Variants in ALDH18A1 observed in about 807,000 individuals in gnomAD.
The protein encoded by ALDH18A1 is delta-1-pyrroline-5-carboxylate synthase.
Under a neutral mutation model 88.8 loss-of-function variants are expected in ALDH18A1, and 44 were observed. The observed-to-expected ratio is 0.50, with a 90% confidence interval of 0.39 to 0.64. ALDH18A1 has a LOEUF of 0.64. Among genes scored for constraint, ALDH18A1 ranks in the 30% least tolerant of loss-of-function variants. The pLI is 0.00. For synonymous variants in ALDH18A1, 331 were observed against 372.1 expected, an observed-to-expected ratio of 0.89 and a Z score of 1.27; for missense variants, 782 against 1,009.5, an observed-to-expected ratio of 0.77 and a Z score of 3.05.
At position 95,613,798 on chromosome 10, in the gene ALDH18A1, C is replaced by T. The variant is rs770815414; in HGVS notation, c.1867G>A (p.Asp623Asn). 141 of 1,613,976 alleles carry T rather than the reference C, an allele frequency of 8.7e-5. No homozygotes were observed. The highest frequency in any genetic ancestry group is 8.1e-4 in the South Asian group (74 of 91,080). Residue 623 changes from aspartate to asparagine, a missense_variant, in exon 15 of 18, where the codon GAT becomes AAT. Transcript: ENST00000371224. ...TCAAATAATGGTGTCCTGAGCAGAT[C>T]CCGGTGGATTAACAAAGTCTCCAAA... The part of the protein sequence containing the change: ...NALETLLIHR[D>N]LLRTPLFDQI...
rs1242600175 is a variant in ALDH18A1 at position 95,625,407 on chromosome 10, C to T, written c.1201G>A (p.Asp401Asn). The T allele has an allele frequency of 5.0e-6, 8 of 1,614,070 alleles. No individual in the cohort carries two copies. Among genetic ancestry groups the T allele is most frequent in the African/African-American group, 4.0e-5 (3 of 75,022 alleles). The change falls in exon 11 of 18, where the codon GAT (aspartate) becomes AAT (asparagine). Residue 401 changes from aspartate to asparagine, a missense_variant. Asp to Asn is a conservative substitution (Grantham distance 23). This residue lies in a region of ALDH18A1 where 556 missense variants were observed against 654.5 expected (regional missense o/e 0.85). Transcript: ENST00000371224. ...HLADLLTDQR[D>N]EILLANKKDL... is the part of the protein sequence containing the mutation. ...TTTTTGTTGGCTAACAGGATCTCAT[C>T]ACGCTGGTCCGTCAACAGATCAGCC...
rs530349201 is a variant in ALDH18A1 at position 95,626,330 on chromosome 10, A to G, written c.1152+373T>C. Among the ~76,000 whole-genome samples the G allele has an allele frequency of 9.2e-5, 14 of 152,258 alleles. No homozygotes were observed. The East Asian group carries it at 1.7e-3, about 19-fold the overall frequency. The stretch of plus-strand genomic sequence containing the variant: ...AGGTCAGGGCTACCAACTATGGAGC[A>G]GGCTCTCGAGCTTCCCATCTTCTAG... On this transcript the variant is annotated intron_variant, in intron 10 of 17. Transcript: ENST00000371224.
rs546231622 is a variant in ALDH18A1, at chr10:95,608,768, C to T, written c.2206+1429G>A. On this transcript the variant is annotated intron_variant, in intron 17 of 17. Coordinates refer to ENST00000371224, the MANE Select transcript of ALDH18A1 (RefSeq NM_002860.4). ...CTCCTGCTTCAGCCTCTCAAAGTGCCGGGATTACAGGTGTGAGCCACTGCC... is the reference window on the plus strand; with the variant it reads ...CTCCTGCTTCAGCCTCTCAAAGTGCTGGGATTACAGGTGTGAGCCACTGCC... Among the ~76,000 whole-genome samples, 6 of 152,272 alleles carry T rather than the reference C, an allele frequency of 3.9e-5. No individual in the cohort carries two copies. In the South Asian group the frequency reaches 1.0e-3, roughly 26 times the overall value.
intron 5 of ALDH18A1, among the ~76,000 whole-genome samples, chr10:95,634,854 T>C (rs1236515697): frequency 6.6e-6 from 1 of 152,196 alleles, no homozygotes; most frequent in African/African-American, 2.4e-5. Context: ...GCAATCTCTC[T>C]AATGTTTACG....
rs78731297 is a variant in ALDH18A1, at chr10:95,611,365, C to T, written c.2001G>A (p.Glu667=). The change falls in exon 16 of 18, where the codon GAG becomes GAA. Residue 667 remains glutamate, a synonymous_variant. Transcript: ENST00000371224. ...SPSEVKSLRT[E]YGDLELCIEV... ...CAATGCATAATTCCAGGTCCCCATA[C>T]TCAGTTCGGAGTGACTTCACTTCGG... is the stretch of plus-strand genomic sequence containing the variant. 5.7e-4 allele frequency: 920 copies of T among 1,614,204 alleles called. 5 individuals carry two copies. In the African/African-American group the frequency reaches 0.011, roughly 19 times the overall value.
intron 5 of ALDH18A1, 108 bp from the exon 6 acceptor site, chr10:95,633,757 C>T (rs1691430073): frequency 8.9e-7 from 1 of 1,122,214 alleles, no homozygotes; most frequent in Non-Finnish European, 1.3e-6. Context: ...TTTCTGGGGC[C>T]CCACACAGAT....
chr10:95,609,437 T>C (rs1163865229), intron 17 of ALDH18A1, among the ~76,000 whole-genome samples: 2 of 152,204 alleles, frequency 1.3e-5, no homozygotes, highest in African/African-American at 4.8e-5. Context: ...CTGTGCCATT[T>C]TGACGAAATA....
chr10:95,612,353 C>T (rs942590015), intron 15 of ALDH18A1, among the ~76,000 whole-genome samples: 9 of 152,192 alleles, frequency 5.9e-5, no homozygotes, highest in Non-Finnish European at 1.0e-4. Flanking sequence ...GGCTGGTCAC[C>T]GAGGATCCCA....
intron 11 of ALDH18A1, among the ~76,000 whole-genome samples, chr10:95,622,800 G>A (rs907297800): frequency 6.6e-6 from 1 of 152,126 alleles, no homozygotes; most frequent in African/African-American, 2.4e-5. Flanking sequence ...GCCTCCCAAA[G>A]TGCTGGGATT....
At chr10:95,610,791 C>T (rs775050465) in intron 16 of ALDH18A1, among the ~76,000 whole-genome samples, 19 of 152,146 alleles carry the variant, frequency 1.2e-4, no homozygotes, top group Non-Finnish European at 1.8e-4. Context: ...TGCTCTGGTG[C>T]CCTAATTAGC....
intron 2 of ALDH18A1, among the ~76,000 whole-genome samples, chr10:95,651,968 A>G (rs10882646): frequency 0.76 from 116,201 of 152,096 alleles, 45,263 homozygotes; most frequent in Middle Eastern, 0.86. Context: ...AAAAATGAGA[A>G]CAACCCAGAT....
intron 15 of ALDH18A1, among the ~76,000 whole-genome samples, chr10:95,611,917 C>A (rs1407771395): frequency 6.6e-6 from 1 of 151,802 alleles, no homozygotes; most frequent in African/African-American, 2.4e-5. Context: ...TTGCAGTGAG[C>A]CAAGATTGTG....
chr10:95,653,169 C>T (rs1032361906), intron 2 of ALDH18A1, 121 bp downstream of exon 2: 2 of 978,988 alleles, frequency 2.0e-6, no homozygotes, highest in East Asian at 2.5e-5. Flanking sequence ...GCCTGTGTGA[C>T]AAAATGAGAC....
chr10:95,612,697 G>A (rs1429643960), intron 15 of ALDH18A1, among the ~76,000 whole-genome samples: 1 of 152,192 alleles, frequency 6.6e-6, no homozygotes, highest in African/African-American at 2.4e-5. Flanking sequence ...TACCACTTGT[G>A]TGTTCAAATT....
intron 11 of ALDH18A1, among the ~76,000 whole-genome samples, chr10:95,623,768 T>A (rs1376861703): frequency 6.6e-6 from 1 of 152,236 alleles, no homozygotes; most frequent in Non-Finnish European, 1.5e-5. Context: ...TTTCTCCATG[T>A]TGGTCAGGCT....
intron 5 of ALDH18A1, among the ~76,000 whole-genome samples, chr10:95,635,669 A>G (rs2097879251): frequency 6.6e-6 from 1 of 152,200 alleles, no homozygotes; most frequent in African/African-American, 2.4e-5. Flanking sequence ...GTGTGAGAGG[A>G]AAGAGCCCAG....
At chr10:95,627,378 C>T (rs1328068258) in intron 9 of ALDH18A1, 64 bp downstream of exon 9, 1 of 1,594,838 alleles carries the variant, frequency 6.3e-7, no homozygotes, top group Middle Eastern at 1.7e-4. Flanking sequence ...TTTGTGATCT[C>T]TAACTAAGCC....
At chr10:95,629,832 C>T (rs1212482869) in intron 7 of ALDH18A1, among the ~76,000 whole-genome samples, 1 of 152,066 alleles carries the variant, frequency 6.6e-6, no homozygotes, top group Non-Finnish European at 1.5e-5. Context: ...AATAAGAATG[C>T]CAGTCTACCA....
intron 1 of ALDH18A1, among the ~76,000 whole-genome samples, chr10:95,654,507 T>A (rs1335517240): frequency 6.6e-6 from 1 of 152,090 alleles, no homozygotes; most frequent in Non-Finnish European, 1.5e-5. Context: ...TTTGTGGGCC[T>A]CCTTTTAACT....
Sources: allele counts gnomAD v4.1 joint callset (sites outside exome capture counted in the v4.1 genomes callset), GRCh38; gene constraint gnomAD v4.1.1; regional missense constraint gnomAD v4.1.1; transcripts MANE v1.5; gene names NCBI Gene and HGNC (gene_info 2026-07-23, HGNC 2026-07-21).